Variants in CCDC91 observed in about 807,000 individuals in gnomAD.
The protein encoded by CCDC91 is coiled-coil domain-containing protein 91.
A neutral mutation model predicts 63.2 loss-of-function variants in CCDC91; 48 were observed. The observed-to-expected ratio is 0.76, with a 90% CI of 0.60 to 0.97. The LOEUF (loss-of-function observed/expected upper bound fraction) is 0.97, where lower values mean the gene tolerates loss of function less well. CCDC91 is among the 50% of genes least tolerant of loss of function. The pLI, the probability that CCDC91 is intolerant of heterozygous loss-of-function variation, is 0.00. For missense variants in CCDC91, 500 were observed against 494.6 expected (o/e 1.01, Z -0.10); for synonymous variants, 167 against 165.8 (o/e 1.01, Z -0.06).
Position 28,438,771 on chromosome 12 carries a change from A to G in CCDC91, c.763-11390A>G, listed in dbSNP as rs911675901. Reference sequence around the variant, plus strand: ...ACAACTTAGGATGCATTTTCAATTTATGATATTTTTGACATAGAATGGATT... The same window carrying G: ...ACAACTTAGGATGCATTTTCAATTTGTGATATTTTTGACATAGAATGGATT... On this transcript the variant is annotated intron_variant, in intron 8 of 12. Transcript: ENST00000536442. 1.3e-4 allele frequency among the ~76,000 whole-genome samples: 20 copies of G among 152,020 alleles called. 2 individuals carry two copies. The highest frequency in any genetic ancestry group is 4.8e-4 in the African/African-American group (20 of 41,328).
chr12:28,437,463 AT>A (rs1948970398), intron 8 of CCDC91, among the ~76,000 whole-genome samples: 1 of 152,072 alleles, frequency 6.6e-6, no homozygotes, highest in Non-Finnish European at 1.5e-5. Context: ...TATAAGGCTG[AT>A]TAATAACCTT....
intron 12 of CCDC91, among the ~76,000 whole-genome samples, chr12:28,484,932 ATATT>A (rs1448570983): frequency 5.3e-5 from 8 of 151,186 alleles, no homozygotes; most frequent in East Asian, 3.9e-4. Flanking sequence ...TTATATAAAT[ATATT>A]TATTTGTGCA....
At chr12:28,409,656 T>C (rs1212361632) in intron 8 of CCDC91, among the ~76,000 whole-genome samples, 1 of 152,148 alleles carries the variant, frequency 6.6e-6, no homozygotes, top group East Asian at 1.9e-4. Flanking sequence ...TTGAGGCTTT[T>C]CTTCTAAAAT....
chr12:28,360,759 G>A (rs1287670969), intron 6 of CCDC91, among the ~76,000 whole-genome samples: 5 of 152,124 alleles, frequency 3.3e-5, no homozygotes, highest in Non-Finnish European at 7.4e-5. Flanking sequence ...ATAAAATATG[G>A]TAGGGAGTAT....
intron 1 of CCDC91, among the ~76,000 whole-genome samples, chr12:28,208,979 T>G (rs974125448): frequency 6.6e-6 from 1 of 151,858 alleles, no homozygotes; most frequent in African/African-American, 2.4e-5. Context: ...TTTTTTTTTT[T>G]GTATTTTTAG....
chr12:28,201,427 A>T (rs71492159), intron 1 of CCDC91, among the ~76,000 whole-genome samples: 3 of 131,568 alleles, frequency 2.3e-5, no homozygotes, highest in African/African-American at 5.6e-5. Flanking sequence ...ATCTCAGACG[A>T]TGGGCGGCCA....
intron 11 of CCDC91, among the ~76,000 whole-genome samples, chr12:28,460,395 G>A (rs1950247625): frequency 6.6e-6 from 1 of 152,054 alleles, no homozygotes. Context: ...TTAACTGATT[G>A]TCAAATGAAT....
chr12:28,207,286 A>G (rs1942926416), intron 1 of CCDC91, among the ~76,000 whole-genome samples: 1 of 152,108 alleles, frequency 6.6e-6, no homozygotes, highest in Non-Finnish European at 1.5e-5. Flanking sequence ...TACCTTAAGG[A>G]TTTCAATGGG....
At chr12:28,231,329 A>G (rs1475863159) in intron 1 of CCDC91, among the ~76,000 whole-genome samples, 2 of 152,212 alleles carry the variant, frequency 1.3e-5, no homozygotes, top group Non-Finnish European at 2.9e-5. Context: ...ATATAAAGTA[A>G]TATTGTAGTT....
intron 3 of CCDC91, among the ~76,000 whole-genome samples, chr12:28,264,051 G>A (rs1249898078): frequency 6.6e-6 from 1 of 150,860 alleles, no homozygotes; most frequent in Non-Finnish European, 1.5e-5. Context: ...CATATGACCT[G>A]GAAATCATGA....
intron 3 of CCDC91, among the ~76,000 whole-genome samples, chr12:28,267,807 A>ACTATATAATT (rs1565699724): frequency 0.12 from 1,634 of 14,092 alleles, 231 homozygotes; most frequent in Non-Finnish European, 0.21. Flanking sequence ...ATTATATAGT[A>ACTATATAATT]ATATATAATT....
Position 28,220,206 on chromosome 12 carries a change from G to T in CCDC91, c.-15+29565G>T, listed in dbSNP as rs149355175. 5.4e-4 allele frequency among the ~76,000 whole-genome samples: 82 copies of T among 151,870 alleles called. 1 individual carries two copies. The East Asian group carries it at 8.5e-3, about 16-fold the overall frequency. ...TTTACTGATTTATATTGGGTTTGAG[G>T]ATGCTTTTAATGATTTCATTTTAGA... On this transcript the variant is annotated intron_variant, in intron 1 of 12. Transcript: ENST00000536442.
intron 3 of CCDC91, among the ~76,000 whole-genome samples, chr12:28,293,452 C>G (rs1019731151): frequency 6.6e-6 from 1 of 152,142 alleles, no homozygotes; most frequent in Non-Finnish European, 1.5e-5. Flanking sequence ...GTCTTGTTTT[C>G]TACTGGCAGT....
chr12:28,223,269 T>C (rs573693232), intron 1 of CCDC91, among the ~76,000 whole-genome samples: 3 of 152,272 alleles, frequency 2.0e-5, no homozygotes, highest in Admixed American at 2.0e-4. Flanking sequence ...CCTTTACTTA[T>C]TTACTTAAAG....
intron 8 of CCDC91, among the ~76,000 whole-genome samples, chr12:28,411,542 C>T (rs1229141228): frequency 1.3e-5 from 2 of 152,132 alleles, no homozygotes; most frequent in Admixed American, 6.5e-5. Context: ...TGTCATATTT[C>T]ACTTTCTCTT....
intron 3 of CCDC91, chr12:28,304,493 T>C (rs1237611554): frequency 4.8e-5 from 13 of 271,516 alleles, no homozygotes; most frequent in Non-Finnish European, 7.0e-5. Flanking sequence ...AAAAATGCAA[T>C]ATTGCTAAAA....
chr12:28,417,454 A>G (rs1212846212), intron 8 of CCDC91, among the ~76,000 whole-genome samples: 2 of 151,918 alleles, frequency 1.3e-5, no homozygotes, highest in Admixed American at 1.3e-4. Flanking sequence ...TTAGGTCTCA[A>G]TAGTTTTTAT....
intron 7 of CCDC91, among the ~76,000 whole-genome samples, chr12:28,366,638 C>T (rs1944292593): frequency 6.6e-6 from 1 of 152,134 alleles, no homozygotes; most frequent in African/African-American, 2.4e-5. Context: ...TCGGGATAGG[C>T]CATCTAGGAA....
intron 8 of CCDC91, among the ~76,000 whole-genome samples, chr12:28,413,683 T>C (rs1470098159): frequency 6.6e-6 from 1 of 152,204 alleles, no homozygotes; most frequent in Non-Finnish European, 1.5e-5. Context: ...GGCAAGTTGC[T>C]CCTCCCACAG....
Sources: allele counts gnomAD v4.1 joint callset (sites outside exome capture counted in the v4.1 genomes callset), GRCh38; gene constraint gnomAD v4.1.1; transcripts MANE v1.5; gene names NCBI Gene and HGNC (gene_info 2026-07-23, HGNC 2026-07-21).